The following UBXN2B variants were observed in gnomAD, a reference collection of about 807,000 sequenced individuals.
UBXN2B encodes UBX domain protein 2B.
UBXN2B carries 19 observed loss-of-function variants against 37.5 expected under a neutral mutation model. That is an observed-to-expected ratio of 0.51 (90% CI 0.35 to 0.74). The LOEUF (loss-of-function observed/expected upper bound fraction) is 0.74, where lower values mean the gene tolerates loss of function less well. UBXN2B is among the 30% of genes least tolerant of loss of function. The probability of loss-of-function intolerance (pLI) is 0.01; values close to 1 mark genes in which losing one functional copy is unlikely to be tolerated. For missense variants in UBXN2B, 370 were observed against 393.2 expected (o/e 0.94, Z 0.50); for synonymous variants, 145 against 143.8 (o/e 1.01, Z -0.06).
At position 58,416,955 on chromosome 8, in the gene UBXN2B, T is replaced by A; in HGVS notation, c.188+2T>A. The A allele has an allele frequency of 6.3e-7, 1 of 1,580,892 alleles. No homozygotes were observed. The highest frequency in any genetic ancestry group is 8.6e-7 in the Non-Finnish European group (1 of 1,161,152). ...GAGCCCACGGACACCACCTCAACGGTAAGTTTTATTTTGTTTTGTTGTAAA... is the reference window on the plus strand; with the variant it reads ...GAGCCCACGGACACCACCTCAACGGAAAGTTTTATTTTGTTTTGTTGTAAA... On this transcript the variant is annotated splice_donor_variant, in intron 2 of 7. Coordinates refer to ENST00000399598, the MANE Select transcript of UBXN2B (RefSeq NM_001077619.2). LOFTEE classifies it high-confidence loss of function.
At chr8:58,434,359 ATATATATATATTT>A in intron 4 of UBXN2B, 23 bp from the exon 5 acceptor site, 2 of 542,446 alleles carry the variant, frequency 3.7e-6, no homozygotes, top group South Asian at 6.4e-5. Flanking sequence ...ATATATATAT[ATATATATATATTT>A]TTTTTTTTTC....
chr8:58,448,370 C>A lies in UBXN2B; in HGVS notation c.*819C>A, dbSNP rs1197462443. 1 of 151,984 alleles carries A rather than the reference C, an allele frequency of 6.6e-6. No individual in the cohort carries two copies. The highest frequency in any genetic ancestry group is 1.5e-5 in the Non-Finnish European group (1 of 68,004). 9.4% of individuals were successfully genotyped at this position (151,984 alleles called of 1,614,324 possible). On this transcript the variant is annotated 3_prime_UTR_variant, in exon 8 of 8. Coordinates refer to ENST00000399598, the MANE Select transcript of UBXN2B (RefSeq NM_001077619.2). ...TGTACTTTTGCTAGAGACAGCGTTT[C>A]TCTGTGTTGATCAGGCTGGTCTCGA...
At chr8:58,425,899 G>C in intron 2 of UBXN2B, 1 of 1,192,696 alleles carries the variant, frequency 8.4e-7, no homozygotes, top group Non-Finnish European at 1.3e-6. Context: ...TCTCCCCTTT[G>C]TCATCACTGG....
chr8:58,417,444 G>A (rs745506656), intron 2 of UBXN2B, among the ~76,000 whole-genome samples: 88 of 152,168 alleles, frequency 5.8e-4, no homozygotes, highest in Non-Finnish European at 7.3e-4. Flanking sequence ...GATTTTTGAA[G>A]TCTGTCTCTT....
intron 2 of UBXN2B, among the ~76,000 whole-genome samples, chr8:58,423,890 A>G (rs1808001908): frequency 6.6e-6 from 1 of 151,772 alleles, no homozygotes; most frequent in African/African-American, 2.4e-5. Context: ...TTTTCCCACC[A>G]CAACCTTCTC....
intron 5 of UBXN2B, among the ~76,000 whole-genome samples, chr8:58,438,812 G>A (rs548513976): frequency 5.9e-5 from 9 of 152,052 alleles, no homozygotes; most frequent in Non-Finnish European, 1.3e-4. Context: ...AGATTTGGGG[G>A]GCCAGTGGTG....
At chr8:58,425,403 G>T in intron 2 of UBXN2B, 1 of 1,133,536 alleles carries the variant, frequency 8.8e-7, no homozygotes, top group Non-Finnish European at 1.3e-6. Context: ...AACTCTTCTT[G>T]GGCTTTGAAT....
At chr8:58,440,365 G>A (rs984454293) in intron 6 of UBXN2B, among the ~76,000 whole-genome samples, 16 of 152,156 alleles carry the variant, frequency 1.1e-4, no homozygotes, top group Non-Finnish European at 1.3e-4. Context: ...ATTTTCAATA[G>A]TTTTTAAACA....
At chr8:58,444,110 C>T (rs1211026383) in intron 6 of UBXN2B, among the ~76,000 whole-genome samples, 1 of 152,192 alleles carries the variant, frequency 6.6e-6, no homozygotes, top group African/African-American at 2.4e-5. Context: ...CATACCTGGT[C>T]AGAATCTGCC....
chr8:58,424,828 T>G lies in UBXN2B; in HGVS notation c.189-5691T>G, dbSNP rs563690724. 5 of 1,436,308 alleles carry G rather than the reference T, an allele frequency of 3.5e-6. No homozygotes were observed. In the East Asian group the frequency reaches 1.1e-4, roughly 33 times the overall value. The allele number at this position is 1,436,308 out of a possible 1,614,324, so 89.0% of individuals were successfully genotyped here. ...TTCAGTATAATGCTGGACCGCCATATAGATAAATCGGTACTGTGTTTCTGT... is the reference window on the plus strand; with the variant it reads ...TTCAGTATAATGCTGGACCGCCATAGAGATAAATCGGTACTGTGTTTCTGT... On this transcript the variant is annotated intron_variant, in intron 2 of 7. Coordinates refer to ENST00000399598, the MANE Select transcript of UBXN2B (RefSeq NM_001077619.2).
At chr8:58,423,421 T>TG (rs1233239217) in intron 2 of UBXN2B, among the ~76,000 whole-genome samples, 1 of 148,714 alleles carries the variant, frequency 6.7e-6, no homozygotes, top group Non-Finnish European at 1.5e-5. Context: ...CAGTTGGGGG[T>TG]GGGTTTTTTT....
chr8:58,420,352 TA>T (rs906830924), intron 2 of UBXN2B, among the ~76,000 whole-genome samples: 2 of 152,070 alleles, frequency 1.3e-5, no homozygotes, highest in African/African-American at 4.8e-5. Flanking sequence ...GTCATTTTTT[TA>T]AAAAACAGTT....
chr8:58,425,007 G>T (rs1209118376), intron 2 of UBXN2B: 2 of 784,164 alleles, frequency 2.6e-6, no homozygotes, highest in African/African-American at 1.7e-5. Flanking sequence ...CGTGCACCAC[G>T]ACTGGCCTTG....
In UBXN2B at chr8:58,447,678, G is replaced by T; in HGVS notation, c.*127G>T. 1 of 940,880 alleles carries T rather than the reference G, an allele frequency of 1.1e-6. No individual in the cohort carries two copies. The highest frequency in any genetic ancestry group is 1.5e-6 in the Non-Finnish European group (1 of 685,298). The allele number at this position is 940,880 out of a possible 1,614,324, so 58.3% of individuals were successfully genotyped here. The stretch of plus-strand genomic sequence containing the variant: ...TTTACAGATAAATTTTGGTTTTATT[G>T]TTATTCTGTCTTCCAATCTGAATAT... On this transcript the variant is annotated 3_prime_UTR_variant, in exon 8 of 8. Coordinates refer to ENST00000399598, the MANE Select transcript of UBXN2B (RefSeq NM_001077619.2).
chr8:58,445,812 G>T, intron 6 of UBXN2B, 95 bp from the exon 7 acceptor site: 1 of 1,078,784 alleles, frequency 9.3e-7, no homozygotes, highest in Non-Finnish European at 1.3e-6. Context: ...AAGTATAGGA[G>T]ACTCAAATGA....
chr8:58,442,362 A>G (rs1402614664), intron 6 of UBXN2B, among the ~76,000 whole-genome samples: 1 of 152,266 alleles, frequency 6.6e-6, no homozygotes, highest in Non-Finnish European at 1.5e-5. Context: ...TAAGAAATAT[A>G]TTAAAAGTTT....
intron 6 of UBXN2B, 62 bp from the exon 7 acceptor site, chr8:58,445,845 G>A (rs1276585380): frequency 7.9e-6 from 11 of 1,393,736 alleles, no homozygotes; most frequent in Admixed American, 7.8e-5. Flanking sequence ...AGTGTTTATC[G>A]CTGTCTTCAG....
At chr8:58,446,504 G>A (rs1216099146) in intron 7 of UBXN2B, among the ~76,000 whole-genome samples, 1 of 152,084 alleles carries the variant, frequency 6.6e-6, no homozygotes, top group East Asian at 1.9e-4. Flanking sequence ...AAGTTTAATT[G>A]TACTTTTGTC....
At chr8:58,429,116 C>A (rs999596112) in intron 2 of UBXN2B, among the ~76,000 whole-genome samples, 2 of 152,142 alleles carry the variant, frequency 1.3e-5, no homozygotes, top group Non-Finnish European at 2.9e-5. Context: ...CCGATTTTTG[C>A]GGTAAGGTCT....
Sources: gnomAD v4.1 joint callset for allele counts (sites outside exome capture counted in the v4.1 genomes callset) on GRCh38, gnomAD v4.1.1 for gene constraint, MANE v1.5 for transcripts, NCBI Gene and HGNC (gene_info 2026-07-23, HGNC 2026-07-21) for gene names.